Variants in LRP1B observed in about 807,000 individuals in gnomAD.
LRP1B encodes the protein low-density lipoprotein receptor-related protein 1B.
A neutral mutation model predicts 556.6 loss-of-function variants in LRP1B; 217 were observed. The ratio of observed to expected loss-of-function variants is 0.39; its 90% CI spans 0.35 to 0.44. The LOEUF is 0.44. Ranked by LOEUF, LRP1B falls within the 20% of genes least tolerant of loss-of-function variation. The probability of loss-of-function intolerance (pLI) is 1.00; values close to 1 mark genes in which losing one functional copy is unlikely to be tolerated. For synonymous variants in LRP1B, 2,047 were observed against 1,865.8 expected, an observed-to-expected ratio of 1.10 and a Z score of -2.50; for missense variants, 5,053 against 5,620.8, an observed-to-expected ratio of 0.90 and a Z score of 3.23.
rs1437322595 is a variant in LRP1B at position 140,733,619 on chromosome 2, T to G, written c.5759-16803A>C. 1.3e-5 allele frequency among the ~76,000 whole-genome samples: 2 copies of G among 152,126 alleles called. 1 individual carries two copies. The highest frequency in any genetic ancestry group is 4.1e-4 in the South Asian group (2 of 4,832). ...GAAAGAAACCAGGCACAAAAGAATA[T>G]ATATCATGTAATTCCATTTATATAA... On this transcript the variant is annotated intron_variant, in intron 35 of 90. Transcript: ENST00000389484.
At chr2:141,930,123 G>A (rs1196112497) in intron 1 of LRP1B, among the ~76,000 whole-genome samples, 3 of 151,846 alleles carry the variant, frequency 2.0e-5, no homozygotes, top group Non-Finnish European at 4.4e-5. Context: ...GCACATTCTG[G>A]CACATGCAAA....
intron 25 of LRP1B, among the ~76,000 whole-genome samples, chr2:140,876,195 T>C (rs1471848361): frequency 6.6e-6 from 1 of 152,122 alleles, no homozygotes; most frequent in Non-Finnish European, 1.5e-5. Flanking sequence ...ATTGAAGTAA[T>C]CCTTTTGACT....
At chr2:141,130,234 T>C (rs1017372126) in intron 7 of LRP1B, among the ~76,000 whole-genome samples, 5 of 151,734 alleles carry the variant, frequency 3.3e-5, no homozygotes, top group African/African-American at 4.8e-5. Flanking sequence ...ATATAACAAA[T>C]AGCTAATTCA....
At chr2:141,517,149 A>G (rs1263613027) in intron 2 of LRP1B, among the ~76,000 whole-genome samples, 1 of 150,384 alleles carries the variant, frequency 6.6e-6, no homozygotes, top group African/African-American at 2.4e-5. Context: ...TGTTTACATG[A>G]GTTACTATTT....
intron 2 of LRP1B, among the ~76,000 whole-genome samples, chr2:141,492,091 A>AAAAAAAAACAAC (rs67960557): frequency 1.0e-5 from 1 of 100,194 alleles, no homozygotes; most frequent in African/African-American, 3.9e-5. Context: ...AAAAAAAAAA[A>AAAAAAAAACAAC]CACTAAGAAA....
intron 69 of LRP1B, among the ~76,000 whole-genome samples, chr2:140,372,471 A>G (rs1323197818): frequency 6.6e-6 from 1 of 152,106 alleles, no homozygotes; most frequent in African/African-American, 2.4e-5. Context: ...ATAATTAAAA[A>G]ATGAAGTGTT....
intron 2 of LRP1B, among the ~76,000 whole-genome samples, chr2:141,754,134 T>C (rs1694238238): frequency 6.6e-6 from 1 of 152,140 alleles, no homozygotes; most frequent in African/African-American, 2.4e-5. Flanking sequence ...GCATGCAAAA[T>C]AAGAAACTTA....
At chr2:140,943,387 T>C (rs1348462221) in intron 20 of LRP1B, among the ~76,000 whole-genome samples, 1 of 151,716 alleles carries the variant, frequency 6.6e-6, no homozygotes, top group African/African-American at 2.4e-5. Flanking sequence ...ACAAATGAAT[T>C]CTGTTACTCA....
At chr2:140,607,660 T>G (rs10153911) in intron 41 of LRP1B, among the ~76,000 whole-genome samples, 2 of 88,506 alleles carry the variant, frequency 2.3e-5, no homozygotes, top group African/African-American at 3.4e-5. Flanking sequence ...CACACACACA[T>G]AGACGTGTGT....
intron 89 of LRP1B, among the ~76,000 whole-genome samples, chr2:140,237,590 C>T (rs1305958578): frequency 2.0e-5 from 3 of 150,666 alleles, no homozygotes; most frequent in Non-Finnish European, 4.5e-5. Context: ...AAACCAAAAC[C>T]CCATAGAACC....
intron 2 of LRP1B, among the ~76,000 whole-genome samples, chr2:141,709,729 A>G (rs923389906): frequency 3.0e-4 from 46 of 152,330 alleles, no homozygotes; most frequent in African/African-American, 1.1e-3. Flanking sequence ...TCCAAGGGAA[A>G]AAGAGATGGC....
chr2:140,498,891 T>C (rs926386806), intron 55 of LRP1B, among the ~76,000 whole-genome samples: 1 of 151,916 alleles, frequency 6.6e-6, no homozygotes, highest in Non-Finnish European at 1.5e-5. Context: ...TCTGGTCTCA[T>C]CCTGAATGTT....
At chr2:142,099,847 C>A (rs1220055130) in intron 1 of LRP1B, among the ~76,000 whole-genome samples, 1 of 151,912 alleles carries the variant, frequency 6.6e-6, no homozygotes, top group East Asian at 1.9e-4. Context: ...TTTCCCATAG[C>A]ATTTAAATTA....
rs569198768 is a variant in LRP1B, at chr2:140,461,139, C to G, written c.9626-3488G>C. On this transcript the variant is annotated intron_variant, in intron 60 of 90. Coordinates refer to ENST00000389484, the MANE Select transcript of LRP1B (RefSeq NM_018557.3). ...TATCCAGAACATGGTTTTGGCTTAA[C>G]TGTTGCCTCACAGCTTGAATATACT... Among the ~76,000 whole-genome samples the G allele has an allele frequency of 7.3e-5, 11 of 151,448 alleles. No individual in the cohort carries two copies. In the South Asian group the frequency reaches 2.1e-3, roughly 29 times the overall value.
In LRP1B at chr2:141,795,857, A is replaced by AAAATATATATATATAT. The variant is rs1491180183; in HGVS notation, c.205+14421_205+14422insATATATATATATATTT. On this transcript the variant is annotated intron_variant, in intron 2 of 90. Transcript: ENST00000389484. ...GAAATAGAGAATGAAAACCAGGAGCAATATATATATATATATATATATATA... is the reference window on the plus strand; with the variant it reads ...GAAATAGAGAATGAAAACCAGGAGCAAAATATATATATATATATATATATATATATATATATATATA... 8.5e-3 allele frequency among the ~76,000 whole-genome samples: 439 copies of AAAATATATATATATAT among 51,496 alleles called. 48 individuals carry two copies. Among genetic ancestry groups the AAAATATATATATATAT allele is most frequent in the Middle Eastern group, 0.011 (1 of 92 alleles). 33.8% of individuals were successfully genotyped at this position (51,496 alleles called of 152,430 possible).
rs756825067 is a variant in LRP1B, at chr2:140,787,558, A to ATTTTTTTTTTTTTT, written c.5360-11334_5360-11321dup. Among the ~76,000 whole-genome samples the ATTTTTTTTTTTTTT allele has an allele frequency of 9.2e-4, 41 of 44,662 alleles. 1 individual carries two copies. The East Asian group carries it at 0.01, about 11-fold the overall frequency. The allele number at this position is 44,662 out of a possible 152,430, so 29.3% of individuals were successfully genotyped here. On this transcript the variant is annotated intron_variant, in intron 32 of 90. Coordinates refer to ENST00000389484, the MANE Select transcript of LRP1B (RefSeq NM_018557.3). ...CCTATCTTCCTGTTTAAAACAGAAG[A>ATTTTTTTTTTTTTT]TTTTTTTTTTTTTTTTTTTTTTTTT...
chr2:140,971,111 C>T (rs776147179), intron 18 of LRP1B, among the ~76,000 whole-genome samples: 4 of 152,042 alleles, frequency 2.6e-5, no homozygotes, highest in Admixed American at 1.3e-4. Flanking sequence ...TAACCAACAT[C>T]CTTCAAAAGA....
chr2:141,753,258 C>CCATATATATATATATATATATATA, intron 2 of LRP1B, among the ~76,000 whole-genome samples: 1 of 32,766 alleles, frequency 3.1e-5, no homozygotes, highest in African/African-American at 1.1e-4. Flanking sequence ...CTCTCTCTCT[C>CCATATATATATATATATATATATA]TCTCCATATA....
intron 3 of LRP1B, among the ~76,000 whole-genome samples, chr2:141,307,928 C>G (rs1042878024): frequency 6.6e-6 from 1 of 152,152 alleles, no homozygotes; most frequent in Non-Finnish European, 1.5e-5. Flanking sequence ...CTCTCTGGCT[C>G]CCAAGTGCTT....
Sources: gnomAD v4.1 joint callset for allele counts (sites outside exome capture counted in the v4.1 genomes callset) on GRCh38, gnomAD v4.1.1 for gene constraint, MANE v1.5 for transcripts, NCBI Gene and HGNC (gene_info 2026-07-23, HGNC 2026-07-21) for gene names.